The following PKHD1 variants were observed in gnomAD, a reference collection of about 807,000 sequenced individuals.
The protein encoded by PKHD1 is PKHD1 ciliary IPT domain containing fibrocystin/polyductin, also known as fibrocystin.
Under a neutral mutation model 412.0 loss-of-function variants are expected in PKHD1, and 291 were observed. The observed-to-expected ratio is 0.71, with a 90% CI of 0.64 to 0.78. PKHD1 has a LOEUF of 0.78. Ranked by LOEUF, PKHD1 falls within the 30% of genes least tolerant of loss-of-function variation. PKHD1 has a pLI of 0.00. For synonymous variants in PKHD1, 1,777 were observed against 1,821.5 expected (o/e 0.98, Z 0.62); for missense variants, 4,825 against 4,950.7 (o/e 0.97, Z 0.76).
At chr6:52,048,431 CT>C (rs1806206965) in intron 23 of PKHD1, 60 bp downstream of exon 23, 1 of 1,541,576 alleles carries the variant, frequency 6.5e-7, no homozygotes, top group Non-Finnish European at 9.0e-7. Context: ...ATGTTGTTCC[CT>C]TGGGAATGTG....
intron 48 of PKHD1, among the ~76,000 whole-genome samples, chr6:51,865,858 G>T (rs996613657): frequency 6.6e-6 from 1 of 152,174 alleles, no homozygotes; most frequent in Non-Finnish European, 1.5e-5. Flanking sequence ...TCCTAATGAG[G>T]TTATAATGCT....
intron 55 of PKHD1, among the ~76,000 whole-genome samples, chr6:51,758,746 T>C (rs1787486124): frequency 6.6e-6 from 1 of 152,246 alleles, no homozygotes; most frequent in East Asian, 1.9e-4. Flanking sequence ...AAAATATCAG[T>C]ACAGTTTCTT....
rs1348552972 is a variant in PKHD1 at position 51,830,914 on chromosome 6, C to T, written c.8249G>A (p.Gly2750Glu). 6.2e-7 allele frequency: 1 copy of T among 1,612,340 alleles called. No individual in the cohort carries two copies. The highest frequency in any genetic ancestry group is 8.5e-7 in the Non-Finnish European group (1 of 1,178,726). The change falls in exon 52 of 67, where the codon GGA (glycine) becomes GAA (glutamate). Residue 2750 changes from glycine to glutamate, a missense_variant. Gly to Glu is a moderately conservative substitution (Grantham distance 98). Transcript: ENST00000371117. ...GCCTGGAATGGTATTGTTGTATCCTCCCCAGCCTTCTTCAACACCTTGCCA... is the reference window on the plus strand; with the variant it reads ...GCCTGGAATGGTATTGTTGTATCCTTCCCAGCCTTCTTCAACACCTTGCCA... ...ETWQGVEEGW[G>E]GYNNTIPGPG...
chr6:51,715,340 C>T (rs1156394104), intron 60 of PKHD1, among the ~76,000 whole-genome samples: 2 of 148,388 alleles, frequency 1.3e-5, no homozygotes, highest in East Asian at 3.8e-4. Context: ...ATGCTTCTTC[C>T]TGAAAAGCAG....
intron 60 of PKHD1, among the ~76,000 whole-genome samples, chr6:51,714,375 A>C (rs950851588): frequency 2.6e-5 from 4 of 152,128 alleles, no homozygotes; most frequent in African/African-American, 9.7e-5. Flanking sequence ...ATTTCAAAAA[A>C]AAAAAATTGT....
chr6:52,036,530 A>AT (rs1554204576), intron 27 of PKHD1, among the ~76,000 whole-genome samples: 1 of 151,904 alleles, frequency 6.6e-6, no homozygotes. Flanking sequence ...AAACAGCCTT[A>AT]CCCCCCCTTG....
At chr6:51,664,773 G>A (rs1562053609) in intron 60 of PKHD1, among the ~76,000 whole-genome samples, 1 of 152,044 alleles carries the variant, frequency 6.6e-6, no homozygotes, top group African/African-American at 2.4e-5. Flanking sequence ...CCAATTACAC[G>A]CATTATTTTT....
intron 23 of PKHD1, 113 bp downstream of exon 23, chr6:52,048,378 TA>T: frequency 9.2e-7 from 1 of 1,083,372 alleles, no homozygotes; most frequent in Non-Finnish European, 1.4e-6. Context: ...GGAAAATAAA[TA>T]AAATAGCTTT....
At chr6:51,690,799 G>A (rs1024498635) in intron 60 of PKHD1, among the ~76,000 whole-genome samples, 2 of 151,986 alleles carry the variant, frequency 1.3e-5, no homozygotes, top group Admixed American at 6.6e-5. Context: ...TGCAACAAAA[G>A]CAAAAATTGA....
At chr6:52,065,576 G>T (rs996178627) in intron 12 of PKHD1, among the ~76,000 whole-genome samples, 1 of 152,134 alleles carries the variant, frequency 6.6e-6, no homozygotes, top group Non-Finnish European at 1.5e-5. Flanking sequence ...GGGTGCGGGG[G>T]ATTTCCAGAG....
At chr6:51,771,553 A>G in intron 55 of PKHD1, among the ~76,000 whole-genome samples, 1 of 151,950 alleles carries the variant, frequency 6.6e-6, no homozygotes, top group Non-Finnish European at 1.5e-5. Flanking sequence ...CAGGAGGTGG[A>G]GATCGCAATG....
chr6:51,920,358 G>A (rs1251058863), intron 37 of PKHD1, among the ~76,000 whole-genome samples: 1 of 152,174 alleles, frequency 6.6e-6, no homozygotes, highest in East Asian at 1.9e-4. Context: ...TTTGTCGAAG[G>A]CCTTTTCTGC....
chr6:51,948,688 T>C (rs1789849175), intron 36 of PKHD1, among the ~76,000 whole-genome samples: 1 of 152,082 alleles, frequency 6.6e-6, no homozygotes, highest in African/African-American at 2.4e-5. Context: ...ATTATCAAAG[T>C]AAATGAGGTC....
chr6:51,938,044 C>T (rs1448372806), intron 36 of PKHD1, among the ~76,000 whole-genome samples: 1 of 152,156 alleles, frequency 6.6e-6, no homozygotes, highest in African/African-American at 2.4e-5. Context: ...TAACCTTAAA[C>T]AAGGATGATA....
intron 63 of PKHD1, among the ~76,000 whole-genome samples, chr6:51,643,558 T>C (rs143989990): frequency 6.6e-6 from 1 of 152,122 alleles, no homozygotes; most frequent in African/African-American, 2.4e-5. Flanking sequence ...TAAATTTGGA[T>C]TGTATAAAGA....
intron 64 of PKHD1, among the ~76,000 whole-genome samples, chr6:51,633,250 G>C (rs903431763): frequency 6.6e-6 from 1 of 152,084 alleles, no homozygotes; most frequent in African/African-American, 2.4e-5. Context: ...ATGAATGATG[G>C]GGCAAGATAG....
chr6:51,638,697 A>G (rs918335750), intron 64 of PKHD1, 152 bp downstream of exon 64: 3 of 650,534 alleles, frequency 4.6e-6, no homozygotes, highest in Non-Finnish European at 8.1e-6. Context: ...CTTTCTTCTC[A>G]AGCTTAATGA....
chr6:51,780,038 T>A (rs113253785), intron 53 of PKHD1, among the ~76,000 whole-genome samples: 2 of 150,882 alleles, frequency 1.3e-5, no homozygotes, highest in South Asian at 2.1e-4. Flanking sequence ...AATAAAAAAA[T>A]TTCAAAAGTG....
intron 49 of PKHD1, among the ~76,000 whole-genome samples, chr6:51,853,624 T>C (rs1374039623): frequency 1.3e-5 from 2 of 152,242 alleles, no homozygotes; most frequent in African/African-American, 4.8e-5. Flanking sequence ...TTCATTCCTT[T>C]ACATTCTTTT....
Sources: gnomAD v4.1 joint callset for allele counts (sites outside exome capture counted in the v4.1 genomes callset) on GRCh38, gnomAD v4.1.1 for gene constraint, MANE v1.5 for transcripts, NCBI Gene and HGNC (gene_info 2026-07-23, HGNC 2026-07-21) for gene names.